STK24: variants seen among roughly 807,000 people sequenced by gnomAD.
STK24 encodes serine/threonine-protein kinase 24.
STK24 carries 21 observed loss-of-function variants against 55.6 expected under a neutral mutation model. The ratio of observed to expected loss-of-function variants is 0.38; its 90% CI spans 0.27 to 0.54. The LOEUF (loss-of-function observed/expected upper bound fraction) is 0.54, where lower values mean the gene tolerates loss of function less well. STK24 is among the 20% of genes least tolerant of loss of function. The probability of loss-of-function intolerance (pLI) is 0.79; values close to 1 mark genes in which losing one functional copy is unlikely to be tolerated. For missense variants in STK24, 383 were observed against 538.4 expected (o/e 0.71, Z 2.86); for synonymous variants, 200 against 215.2 (o/e 0.93, Z 0.62).
At chr13:98,576,371 G>T in intron 1 of STK24, 1 of 295,020 alleles carries the variant, frequency 3.4e-6, no homozygotes, top group Non-Finnish European at 5.0e-6. Context: ...GCAGGGCCCC[G>T]GGACCCGGCG....
chr13:98,570,303 A>G (rs1897706270), intron 1 of STK24, among the ~76,000 whole-genome samples: 1 of 152,234 alleles, frequency 6.6e-6, no homozygotes, highest in Non-Finnish European at 1.5e-5. Context: ...ATCTTTCCCA[A>G]CCAACCTTAC....
At chr13:98,561,014 T>A (rs1273310361) in intron 1 of STK24, among the ~76,000 whole-genome samples, 1 of 151,946 alleles carries the variant, frequency 6.6e-6, no homozygotes, top group Admixed American at 6.6e-5. Context: ...GCCAGGACAG[T>A]GGTTCTGCTG....
At chr13:98,483,653 A>G (rs1032553402) in intron 2 of STK24, among the ~76,000 whole-genome samples, 1 of 152,022 alleles carries the variant, frequency 6.6e-6, no homozygotes, top group Non-Finnish European at 1.5e-5. Context: ...TACTTTTATT[A>G]TCTATTGCTC....
intron 5 of STK24, among the ~76,000 whole-genome samples, chr13:98,471,575 T>C (rs1336878378): frequency 6.6e-6 from 1 of 152,148 alleles, no homozygotes; most frequent in African/African-American, 2.4e-5. Flanking sequence ...ATATGGGCAA[T>C]CAGGACTTAG....
intron 5 of STK24, 147 bp downstream of exon 5, chr13:98,474,674 T>A: frequency 6.8e-6 from 7 of 1,036,932 alleles, no homozygotes; most frequent in Non-Finnish European, 9.8e-6. Flanking sequence ...AGAAAACTGT[T>A]CATAACCAAG....
At chr13:98,528,039 G>A (rs541243179) in intron 1 of STK24, among the ~76,000 whole-genome samples, 71 of 152,174 alleles carry the variant, frequency 4.7e-4, no homozygotes, top group African/African-American at 1.6e-3. Context: ...TCAGGCCTCC[G>A]CAAAGCTGGA....
At chr13:98,478,760 C>T (rs1186598115) in intron 3 of STK24, among the ~76,000 whole-genome samples, 1 of 152,182 alleles carries the variant, frequency 6.6e-6, no homozygotes, top group Non-Finnish European at 1.5e-5. Flanking sequence ...GTAGCATTGT[C>T]CCTTTGTAAT....
At chr13:98,460,295 C>T (rs1893646292) in intron 9 of STK24, 77 bp downstream of exon 9, 7 of 1,346,988 alleles carry the variant, frequency 5.2e-6, no homozygotes, top group South Asian at 2.5e-5. Context: ...TCTTAACTGG[C>T]AACATCACCA....
chr13:98,553,208 G>A (rs564120493), intron 1 of STK24: 7 of 152,362 alleles, frequency 4.6e-5, no homozygotes, highest in East Asian at 3.9e-4. Context: ...AGAGCCGGAC[G>A]GGCACTCAGC....
rs115889325 is a variant in STK24 at position 98,539,027 on chromosome 13, C to A, written c.43-19554G>T. Among the ~76,000 whole-genome samples the A allele has an allele frequency of 3.6e-3, 549 of 152,360 alleles. 4 individuals carry two copies. The highest frequency in any genetic ancestry group is 0.012 in the African/African-American group (505 of 41,588). ...GAAAGGGCGACAGCCAAGACTCACA[C>A]ACAGTCACTCCCCAGACCTGACATC... is the stretch of plus-strand genomic sequence containing the variant. On this transcript the variant is annotated intron_variant, in intron 1 of 10. Transcript: ENST00000539966.
rs557401241 is a variant in STK24 at position 98,526,901 on chromosome 13, G to A, written c.43-7428C>T. On this transcript the variant is annotated intron_variant, in intron 1 of 10. Transcript: ENST00000539966. The stretch of plus-strand genomic sequence containing the variant: ...ATATGCAGGACCACTGTCCACAGGC[G>A]CGTTTTCATGAGACGCTTGCCAGGT... Among the ~76,000 whole-genome samples, 201 of 152,292 alleles carry A rather than the reference G, an allele frequency of 1.3e-3. 3 individuals are homozygous for A. The South Asian group carries it at 0.016, about 12-fold the overall frequency.
intron 1 of STK24, among the ~76,000 whole-genome samples, chr13:98,557,466 C>T (rs1406424385): frequency 6.6e-6 from 1 of 152,176 alleles, no homozygotes; most frequent in East Asian, 1.9e-4. Context: ...TGAAGCCTGC[C>T]CCGCTCACCC....
In STK24 at chr13:98,466,579, T is replaced by C; in HGVS notation, c.598-18A>G. 1.2e-6 allele frequency: 2 copies of C among 1,611,410 alleles called. No homozygotes were observed. The highest frequency in any genetic ancestry group is 1.7e-6 in the Non-Finnish European group (2 of 1,178,958). On this transcript the variant is annotated intron_variant, in intron 5 of 10. Coordinates refer to ENST00000539966, the MANE Select transcript of STK24 (RefSeq NM_001032296.4). ...ATGTCTGCCTGCAACAAGAAAAGCA[T>C]CTTTACAAACACCAAGCAGGAATCT...
At chr13:98,576,183 T>C (rs1484276574) in intron 1 of STK24, 24 of 985,228 alleles carry the variant, frequency 2.4e-5, no homozygotes, top group Non-Finnish European at 2.5e-5. Flanking sequence ...GCAAAGCCAC[T>C]GCAAGTGGAA....
chr13:98,453,815 C>T (rs1252771011), intron 10 of STK24: 1 of 151,890 alleles, frequency 6.6e-6, no homozygotes, highest in Admixed American at 6.6e-5. Flanking sequence ...TCTGTATTTA[C>T]ATATATATAT....
At chr13:98,566,612 C>G (rs1897579285) in intron 1 of STK24, among the ~76,000 whole-genome samples, 1 of 152,166 alleles carries the variant, frequency 6.6e-6, no homozygotes, top group Non-Finnish European at 1.5e-5. Flanking sequence ...CAAAGCAGTC[C>G]CCTTCCGACA....
chr13:98,520,206 G>T (rs945572789), intron 1 of STK24, among the ~76,000 whole-genome samples: 1 of 152,162 alleles, frequency 6.6e-6, no homozygotes, highest in Non-Finnish European at 1.5e-5. Flanking sequence ...TTCTCAAAGG[G>T]GGCAGTAACC....
At chr13:98,546,230 C>A (rs181040450) in intron 1 of STK24, among the ~76,000 whole-genome samples, 2 of 152,252 alleles carry the variant, frequency 1.3e-5, no homozygotes, top group Admixed American at 1.3e-4. Flanking sequence ...TGTGAAAGGG[C>A]CACTAGCACA....
intron 1 of STK24, among the ~76,000 whole-genome samples, chr13:98,565,306 C>A (rs779093418): frequency 6.6e-6 from 1 of 151,818 alleles, no homozygotes; most frequent in African/African-American, 2.4e-5. Flanking sequence ...TTTTACCAAC[C>A]CCTCCAGGTG....
Sources: allele counts gnomAD v4.1 joint callset (sites outside exome capture counted in the v4.1 genomes callset), GRCh38; gene constraint gnomAD v4.1.1; transcripts MANE v1.5; gene names NCBI Gene and HGNC (gene_info 2026-07-23, HGNC 2026-07-21).